Variants in COL25A1 observed in about 807,000 individuals in gnomAD.
COL25A1 encodes the protein collagen type XXV alpha 1 chain.
In COL25A1, 103 loss-of-function variants were observed where a neutral mutation model predicts 128.4. That is an observed-to-expected ratio of 0.80 (90% CI 0.68 to 0.94). The LOEUF (loss-of-function observed/expected upper bound fraction) is 0.94. COL25A1 is among the 40% of genes least tolerant of loss of function. The probability of loss-of-function intolerance (pLI) is 0.00; values close to 1 mark genes in which losing one functional copy is unlikely to be tolerated. For synonymous variants in COL25A1, 279 were observed against 277.2 expected (o/e 1.01, Z -0.06); for missense variants, 745 against 840.0 (o/e 0.89, Z 1.40).
chr4:109,048,182 G>A lies in COL25A1; in HGVS notation c.413-7C>T. On this transcript the variant is annotated splice_polypyrimidine_tract_variant and splice_region_variant and intron_variant, in intron 4 of 37. Coordinates refer to ENST00000399132, the MANE Select transcript of COL25A1 (RefSeq NM_198721.4). ...AACATACTTACAGGAGGACCTATGG[G>A]GGGAGCAGGTGGAGAGAGAAGAGAG... 1 of 1,611,242 alleles carries A rather than the reference G, an allele frequency of 6.2e-7. No individual in the cohort carries two copies. Among genetic ancestry groups the A allele is most frequent in the East Asian group, 2.2e-5 (1 of 44,792 alleles).
At chr4:108,945,315 C>T (rs149948311) in intron 8 of COL25A1, among the ~76,000 whole-genome samples, 530 of 152,296 alleles carry the variant, frequency 3.5e-3, no homozygotes, top group Non-Finnish European at 5.9e-3. Context: ...GACACTGACT[C>T]TGCTTCTTGC....
At chr4:109,026,118 A>G (rs1312226859) in intron 5 of COL25A1, among the ~76,000 whole-genome samples, 1 of 151,734 alleles carries the variant, frequency 6.6e-6, no homozygotes, top group Non-Finnish European at 1.5e-5. Flanking sequence ...ACACACACAC[A>G]CACACACACA....
At chr4:109,117,777 A>G (rs1767744990) in intron 3 of COL25A1, among the ~76,000 whole-genome samples, 1 of 151,986 alleles carries the variant, frequency 6.6e-6, no homozygotes, top group African/African-American at 2.4e-5. Flanking sequence ...TAGGAATATT[A>G]GAAATATTTT....
At chr4:109,050,317 G>C (rs1230108010) in intron 3 of COL25A1, 138 bp from the exon 4 acceptor site, 2 of 617,730 alleles carry the variant, frequency 3.2e-6, no homozygotes, top group African/African-American at 3.8e-5. Context: ...ATTTGTAAAG[G>C]TCAGTATTGT....
chr4:108,930,232 C>T (rs1270804923), intron 11 of COL25A1, among the ~76,000 whole-genome samples: 1 of 152,088 alleles, frequency 6.6e-6, no homozygotes, highest in African/African-American at 2.4e-5. Flanking sequence ...GGCAAGGAGG[C>T]TTTTGTCTTG....
At chr4:108,985,898 T>C (rs973258372) in intron 6 of COL25A1, among the ~76,000 whole-genome samples, 10 of 152,332 alleles carry the variant, frequency 6.6e-5, no homozygotes, top group Non-Finnish European at 7.4e-5. Flanking sequence ...TATACTATCA[T>C]CAGCTCAAAT....
intron 6 of COL25A1, among the ~76,000 whole-genome samples, chr4:108,991,863 T>A (rs1754266131): frequency 6.6e-6 from 1 of 152,136 alleles, no homozygotes; most frequent in Non-Finnish European, 1.5e-5. Flanking sequence ...AATAGAAAGT[T>A]AAATACTGCC....
intron 6 of COL25A1, among the ~76,000 whole-genome samples, chr4:108,984,777 G>C (rs953762757): frequency 6.6e-6 from 1 of 152,236 alleles, no homozygotes; most frequent in Non-Finnish European, 1.5e-5. Context: ...CTCCGGCCTT[G>C]GCCAGCCCAG....
intron 30 of COL25A1, among the ~76,000 whole-genome samples, chr4:108,842,271 T>A (rs971140779): frequency 6.6e-6 from 1 of 152,216 alleles, no homozygotes. Context: ...TAAAAGATTA[T>A]TATGTAGGAA....
chr4:109,229,593 C>T (rs2126218903), intron 3 of COL25A1, among the ~76,000 whole-genome samples: 1 of 152,256 alleles, frequency 6.6e-6, no homozygotes, highest in East Asian at 1.9e-4. Context: ...TGTGTTTGAA[C>T]CATTTCCAAC....
rs1411744735 is a variant in COL25A1 at position 109,125,703 on chromosome 4, T to C, written c.368-75524A>G. Among the ~76,000 whole-genome samples, 6 of 152,268 alleles carry C rather than the reference T, an allele frequency of 3.9e-5. No individual in the cohort carries two copies. The East Asian group carries it at 1.2e-3, about 29-fold the overall frequency. On this transcript the variant is annotated intron_variant, in intron 3 of 37. Coordinates refer to ENST00000399132, the MANE Select transcript of COL25A1 (RefSeq NM_198721.4). ...ATCAATTTTCAACACATGGAATCTATGGCCTATTGCCACTGAAGAACAAAC... is the reference window on the plus strand; with the variant it reads ...ATCAATTTTCAACACATGGAATCTACGGCCTATTGCCACTGAAGAACAAAC...
chr4:108,987,375 T>C (rs1310189407), intron 6 of COL25A1, among the ~76,000 whole-genome samples: 3 of 96,634 alleles, frequency 3.1e-5, no homozygotes, highest in Admixed American at 3.2e-4. Flanking sequence ...TCTTTTTTTT[T>C]CTTTTTCTTT....
intron 3 of COL25A1, among the ~76,000 whole-genome samples, chr4:109,051,391 A>G (rs1240732608): frequency 6.6e-6 from 1 of 152,122 alleles, no homozygotes; most frequent in Non-Finnish European, 1.5e-5. Flanking sequence ...GAGCAATAAA[A>G]CCAATAGAAA....
chr4:109,022,680 CT>C (rs1010337535), intron 5 of COL25A1, among the ~76,000 whole-genome samples: 2 of 152,094 alleles, frequency 1.3e-5, no homozygotes, highest in Non-Finnish European at 2.9e-5. Flanking sequence ...GGTAACAAAG[CT>C]TTTGGGAAGA....
intron 8 of COL25A1, among the ~76,000 whole-genome samples, chr4:108,947,955 C>T (rs1311378329): frequency 6.6e-6 from 1 of 152,164 alleles, no homozygotes; most frequent in Non-Finnish European, 1.5e-5. Context: ...CTCCAAGTCT[C>T]TCTTTAATGT....
At chr4:108,826,263 C>T (rs995915479) in intron 33 of COL25A1, among the ~76,000 whole-genome samples, 6 of 152,116 alleles carry the variant, frequency 3.9e-5, no homozygotes, top group South Asian at 2.1e-4. Context: ...TCAGGCCGGG[C>T]GCAGTGTCTC....
At chr4:109,188,902 T>C (rs1775360112) in intron 3 of COL25A1, among the ~76,000 whole-genome samples, 1 of 151,962 alleles carries the variant, frequency 6.6e-6, no homozygotes, top group Middle Eastern at 3.2e-3. Flanking sequence ...ATGTTAAATA[T>C]GTGAAGATTC....
chr4:109,257,807 G>A (rs1781175406), intron 3 of COL25A1, among the ~76,000 whole-genome samples: 1 of 152,174 alleles, frequency 6.6e-6, no homozygotes, highest in African/African-American at 2.4e-5. Context: ...ATTAGTCCCA[G>A]ATTGAGACTT....
At position 109,196,840 on chromosome 4, in the gene COL25A1, T is replaced by G. The variant is rs146676696; in HGVS notation, c.367+103743A>C. Among the ~76,000 whole-genome samples the G allele has an allele frequency of 2.6e-3, 393 of 152,322 alleles. 3 individuals carry two copies. Among genetic ancestry groups the G allele is most frequent in the African/African-American group, 8.9e-3 (372 of 41,588 alleles). ...ATCAATGTGCAAATACTGAAAGGTATCAGAATTACTTTAGAGAGGCTAGTC... is the reference window on the plus strand; with the variant it reads ...ATCAATGTGCAAATACTGAAAGGTAGCAGAATTACTTTAGAGAGGCTAGTC... On this transcript the variant is annotated intron_variant, in intron 3 of 37. Transcript: ENST00000399132.
Sources: gnomAD v4.1 joint callset for allele counts (sites outside exome capture counted in the v4.1 genomes callset) on GRCh38, gnomAD v4.1.1 for gene constraint, MANE v1.5 for transcripts, NCBI Gene and HGNC (gene_info 2026-07-23, HGNC 2026-07-21) for gene names.